IMMP1L: variants seen among roughly 807,000 people sequenced by gnomAD.
The protein encoded by IMMP1L is mitochondrial inner membrane protease subunit 1.
Under a neutral mutation model 21.8 loss-of-function variants are expected in IMMP1L, and 24 were observed. The observed-to-expected ratio is 1.10, with a 90% CI of 0.80 to 1.55. IMMP1L has a LOEUF of 1.55. Ranked by LOEUF, IMMP1L falls within the 40% of genes most tolerant of loss-of-function variation. The pLI, the probability that IMMP1L is intolerant of heterozygous loss-of-function variation, is 0.00. For synonymous variants in IMMP1L, 46 were observed against 62.8 expected, an observed-to-expected ratio of 0.73 and a Z score of 1.26; for missense variants, 195 against 200.7, an observed-to-expected ratio of 0.97 and a Z score of 0.17.
At chr11:31,467,421 G>C (rs1295743153) in intron 1 of IMMP1L, among the ~76,000 whole-genome samples, 1 of 152,094 alleles carries the variant, frequency 6.6e-6, no homozygotes, top group Admixed American at 6.6e-5. Context: ...AGTGCTCAAA[G>C]ACTGGTGCAA....
chr11:31,473,646 TC>T, intron 1 of IMMP1L: 1 of 477,692 alleles, frequency 2.1e-6, no homozygotes, highest in African/African-American at 2.1e-5. Flanking sequence ...TAGAGATTCC[TC>T]CATCTTTAGA....
intron 1 of IMMP1L, among the ~76,000 whole-genome samples, chr11:31,500,464 C>A (rs533353921): frequency 3.9e-5 from 6 of 152,178 alleles, no homozygotes; most frequent in Admixed American, 3.9e-4. Flanking sequence ...CTGCCACCAC[C>A]TTCTCCCATT....
intron 1 of IMMP1L, chr11:31,477,870 C>T (rs1212384062): frequency 6.6e-6 from 1 of 152,176 alleles, no homozygotes; most frequent in African/African-American, 2.4e-5. Context: ...TATTCCCTGT[C>T]CAATAATACA....
At chr11:31,479,519 G>C (rs1396755984) in intron 1 of IMMP1L, among the ~76,000 whole-genome samples, 7 of 151,982 alleles carry the variant, frequency 4.6e-5, no homozygotes, top group Non-Finnish European at 1.0e-4. Context: ...ATGATATTTT[G>C]TTAAAACTGT....
At chr11:31,473,963 T>C (rs1954650091) in intron 1 of IMMP1L, among the ~76,000 whole-genome samples, 1 of 152,206 alleles carries the variant, frequency 6.6e-6, no homozygotes, top group Non-Finnish European at 1.5e-5. Flanking sequence ...ATGTCATTAA[T>C]GTATTTTTGT....
intron 1 of IMMP1L, among the ~76,000 whole-genome samples, chr11:31,480,651 T>C (rs1383351154): frequency 6.6e-6 from 1 of 152,060 alleles, no homozygotes; most frequent in Non-Finnish European, 1.5e-5. Context: ...ATGAATAAAA[T>C]TTAAATCAAT....
intron 1 of IMMP1L, among the ~76,000 whole-genome samples, chr11:31,493,930 C>T (rs1223104): frequency 1.2e-4 from 18 of 152,182 alleles, no homozygotes; most frequent in Admixed American, 2.0e-4. Flanking sequence ...TGGGCAACTC[C>T]GCCTCTACGG....
intron 3 of IMMP1L, among the ~76,000 whole-genome samples, chr11:31,459,013 C>T (rs1000039254): frequency 2.6e-5 from 4 of 152,062 alleles, no homozygotes; most frequent in Non-Finnish European, 5.9e-5. Context: ...TACAGTGGGG[C>T]TAGGTCTCCA....
chr11:31,456,395 G>A lies in IMMP1L; in HGVS notation c.195-9C>T. 1.2e-6 allele frequency: 2 copies of A among 1,605,976 alleles called. No homozygotes were observed. Among genetic ancestry groups the A allele is most frequent in the Non-Finnish European group, 1.7e-6 (2 of 1,174,756 alleles). On this transcript the variant is annotated splice_polypyrimidine_tract_variant and intron_variant, in intron 3 of 5. Transcript: ENST00000532287. Reference sequence around the variant, plus strand: ...CAATCACAATGTCACCTCTGAGGGGGAAAAGTCAAAGAAATGTCTGTATTA... The same window carrying A: ...CAATCACAATGTCACCTCTGAGGGGAAAAAGTCAAAGAAATGTCTGTATTA...
At chr11:31,451,421 G>C (rs1953752339) in intron 4 of IMMP1L, among the ~76,000 whole-genome samples, 1 of 152,176 alleles carries the variant, frequency 6.6e-6, no homozygotes, top group Non-Finnish European at 1.5e-5. Context: ...GATGGTAGCA[G>C]TGACAGTGGC....
chr11:31,486,308 T>C (rs186496204), intron 1 of IMMP1L, among the ~76,000 whole-genome samples: 1 of 152,012 alleles, frequency 6.6e-6, no homozygotes, highest in Admixed American at 6.6e-5. Flanking sequence ...AGTGACTCAA[T>C]CTCTCTAGTC....
intron 1 of IMMP1L, chr11:31,473,665 G>T: frequency 1.5e-6 from 1 of 652,176 alleles, no homozygotes; most frequent in Non-Finnish European, 1.9e-6. Context: ...AGAAATTTCT[G>T]GGCATAGGCA....
intron 1 of IMMP1L, among the ~76,000 whole-genome samples, chr11:31,479,365 C>A (rs1954818514): frequency 6.6e-6 from 1 of 151,954 alleles, no homozygotes; most frequent in Admixed American, 6.6e-5. Context: ...TTTTATGTAT[C>A]ACACAGAAAG....
chr11:31,459,992 A>T (rs1263429671), intron 3 of IMMP1L, among the ~76,000 whole-genome samples: 1 of 152,050 alleles, frequency 6.6e-6, no homozygotes, highest in Non-Finnish European at 1.5e-5. Flanking sequence ...CCCAGTCTCT[A>T]CAAAAACTAC....
chr11:31,491,478 G>A (rs1955255270), intron 1 of IMMP1L, among the ~76,000 whole-genome samples: 2 of 152,306 alleles, frequency 1.3e-5, no homozygotes, highest in Non-Finnish European at 2.9e-5. Flanking sequence ...GTTCTACTAT[G>A]TGGCAAAACG....
At chr11:31,460,757 T>G in intron 2 of IMMP1L, 43 bp from the exon 3 acceptor site, 1 of 1,265,466 alleles carries the variant, frequency 7.9e-7, no homozygotes, top group South Asian at 1.3e-5. Flanking sequence ...AAAATCTCTT[T>G]TAAATTTAAC....
At chr11:31,500,717 C>T (rs1955593614) in intron 1 of IMMP1L, among the ~76,000 whole-genome samples, 1 of 151,392 alleles carries the variant, frequency 6.6e-6, no homozygotes. Flanking sequence ...TTTTTTCAAC[C>T]TAGAGCAGAG....
intron 1 of IMMP1L, chr11:31,473,873 ATATATATGTCAAATGTTAAGACCATCGG>A: frequency 3.5e-6 from 1 of 284,172 alleles, no homozygotes; most frequent in Non-Finnish European, 5.3e-6. Context: ...TTATATATGT[ATATATATGTCAAATGTTAAGACCATCGG>A]TTTACATAAA....
chr11:31,494,154 C>G (rs914320069), intron 1 of IMMP1L, among the ~76,000 whole-genome samples: 1 of 152,242 alleles, frequency 6.6e-6, no homozygotes, highest in Non-Finnish European at 1.5e-5. Flanking sequence ...ATTGCTCTAG[C>G]AGAGGTTCTC....
Sources: gnomAD v4.1 joint callset for allele counts (sites outside exome capture counted in the v4.1 genomes callset) on GRCh38, gnomAD v4.1.1 for gene constraint, MANE v1.5 for transcripts, NCBI Gene and HGNC (gene_info 2026-07-23, HGNC 2026-07-21) for gene names.